The following SYNPR variants were observed in gnomAD, a reference collection of about 807,000 sequenced individuals.
SYNPR encodes the protein synaptoporin.
SYNPR carries 23 observed loss-of-function variants against 32.9 expected under a neutral mutation model. The ratio of observed to expected loss-of-function variants is 0.70; its 90% CI spans 0.50 to 0.99. The LOEUF (loss-of-function observed/expected upper bound fraction) is 0.99, where lower values mean the gene tolerates loss of function less well. SYNPR is among the 50% of genes least tolerant of loss of function. The pLI, the probability that SYNPR is intolerant of heterozygous loss-of-function variation, is 0.00. For missense variants in SYNPR, 318 were observed against 349.3 expected (o/e 0.91, Z 0.71); for synonymous variants, 146 against 135.9 (o/e 1.07, Z -0.52).
intron 3 of SYNPR, among the ~76,000 whole-genome samples, chr3:63,547,770 G>T (rs778260107): frequency 3.9e-5 from 6 of 152,158 alleles, no homozygotes; most frequent in Non-Finnish European, 7.3e-5. Flanking sequence ...TTAAGAGCAA[G>T]AGCTTTGGGG....
chr3:63,236,536 T>A (rs931615197), intron 1 of SYNPR, among the ~76,000 whole-genome samples: 3 of 152,146 alleles, frequency 2.0e-5, no homozygotes, highest in Non-Finnish European at 4.4e-5. Context: ...TAATTAGGTC[T>A]TCTTTGATTT....
At chr3:63,447,117 A>G (rs1472872383) in intron 2 of SYNPR, among the ~76,000 whole-genome samples, 2 of 152,196 alleles carry the variant, frequency 1.3e-5, no homozygotes, top group Non-Finnish European at 2.9e-5. Context: ...GCTTTTTCCA[A>G]CAGCATTTAT....
chr3:63,609,173 T>A lies in SYNPR; in HGVS notation c.457T>A (p.Ser153Thr). 1 of 1,611,692 alleles carries A rather than the reference T, an allele frequency of 6.2e-7. No individual in the cohort carries two copies. The change falls in exon 5 of 6, where the codon TCA becomes ACA. Residue 153 changes from serine (S) to threonine (T), a missense_variant. By Grantham distance (58) the Ser-to-Thr change is moderately conservative. Coordinates refer to ENST00000478300, the MANE Select transcript of SYNPR (RefSeq NM_001130003.2). ...VFSFLWLVGS[S>T]AWAKGLSDVK... Reference sequence around the variant, plus strand: ...TTCGTTCTTGTGGTTGGTGGGTTCATCAGCTTGGGCAAAAGGACTGTCTGA... The same window carrying A: ...TTCGTTCTTGTGGTTGGTGGGTTCAACAGCTTGGGCAAAAGGACTGTCTGA...
chr3:63,460,324 T>C (rs1190285419), intron 2 of SYNPR, among the ~76,000 whole-genome samples: 19 of 152,186 alleles, frequency 1.2e-4, no homozygotes, highest in Non-Finnish European at 2.6e-4. Flanking sequence ...ACAGAGTCTT[T>C]ACATGTACCG....
intron 3 of SYNPR, among the ~76,000 whole-genome samples, chr3:63,521,505 T>A (rs75108608): frequency 0.01 from 1,563 of 152,300 alleles, 38 homozygotes; most frequent in African/African-American, 0.035. Context: ...CCAGTGACAT[T>A]GGTGCTAATA....
chr3:63,302,466 T>A (rs1418622324), intron 2 of SYNPR, among the ~76,000 whole-genome samples: 3 of 152,058 alleles, frequency 2.0e-5, no homozygotes, highest in Non-Finnish European at 4.4e-5. Flanking sequence ...GCCACATGGA[T>A]TATAAGTTGC....
chr3:63,344,834 G>A (rs2087415765), intron 2 of SYNPR, among the ~76,000 whole-genome samples: 1 of 152,070 alleles, frequency 6.6e-6, no homozygotes, highest in African/African-American at 2.4e-5. Flanking sequence ...GCTGGTGAAT[G>A]GGGGGAATGG....
chr3:63,252,455 G>A (rs909664406), intron 1 of SYNPR: 1 of 152,084 alleles, frequency 6.6e-6, no homozygotes, highest in South Asian at 2.1e-4. Flanking sequence ...TTTGGCTGTA[G>A]CATAAATCTG....
intron 4 of SYNPR, among the ~76,000 whole-genome samples, chr3:63,575,315 T>A (rs1296128570): frequency 6.6e-6 from 1 of 152,102 alleles, no homozygotes; most frequent in Non-Finnish European, 1.5e-5. Context: ...CTCCTCTGCT[T>A]CTTGAACCTC....
At chr3:63,542,128 C>T (rs530178516) in intron 3 of SYNPR, among the ~76,000 whole-genome samples, 8 of 152,198 alleles carry the variant, frequency 5.3e-5, no homozygotes, top group East Asian at 3.9e-4. Flanking sequence ...CTGTGCTGGG[C>T]GCTAGAGACA....
chr3:63,445,360 G>T (rs141797444), intron 2 of SYNPR, among the ~76,000 whole-genome samples: 36 of 152,284 alleles, frequency 2.4e-4, no homozygotes, highest in Admixed American at 5.9e-4. Flanking sequence ...AAAAGGTCGG[G>T]ATCCTTAGTT....
chr3:63,326,666 G>A (rs2087172169), intron 2 of SYNPR, among the ~76,000 whole-genome samples: 1 of 152,030 alleles, frequency 6.6e-6, no homozygotes, highest in African/African-American at 2.4e-5. Context: ...TCTTCTCATA[G>A]TGATGGCCTG....
intron 2 of SYNPR, among the ~76,000 whole-genome samples, chr3:63,374,479 A>G (rs897355369): frequency 2.6e-5 from 4 of 152,172 alleles, no homozygotes; most frequent in African/African-American, 9.7e-5. Context: ...ACTACCTGTC[A>G]TGTACTATGC....
chr3:63,582,412 G>GATC (rs1703108537), intron 4 of SYNPR, among the ~76,000 whole-genome samples: 2 of 151,954 alleles, frequency 1.3e-5, no homozygotes, highest in African/African-American at 4.8e-5. Flanking sequence ...ATATACCATA[G>GATC]ATCATATGGT....
intron 2 of SYNPR, among the ~76,000 whole-genome samples, chr3:63,408,790 C>T (rs2088422945): frequency 6.6e-6 from 1 of 152,114 alleles, no homozygotes; most frequent in African/African-American, 2.4e-5. Flanking sequence ...ATTCAAATGC[C>T]AATCTTTCTT....
chr3:63,532,318 T>C (rs1702126935), intron 3 of SYNPR, among the ~76,000 whole-genome samples: 1 of 152,180 alleles, frequency 6.6e-6, no homozygotes, highest in Admixed American at 6.5e-5. Context: ...CCTAATGTCT[T>C]AGAGGTTATC....
At chr3:63,359,155 G>A (rs748589759) in intron 2 of SYNPR, among the ~76,000 whole-genome samples, 5 of 152,132 alleles carry the variant, frequency 3.3e-5, no homozygotes, top group Non-Finnish European at 7.4e-5. Context: ...GAGCATGGGA[G>A]TGAGCAAGAG....
the SYNPR span, among the ~76,000 whole-genome samples, chr3:63,208,886 T>G: frequency 6.6e-6 from 1 of 152,206 alleles, no homozygotes; most frequent in African/African-American, 2.4e-5. Flanking sequence ...GAAATCTATT[T>G]ACCTTTTACA....
At chr3:63,238,056 C>G (rs2086212622) in intron 1 of SYNPR, among the ~76,000 whole-genome samples, 1 of 152,102 alleles carries the variant, frequency 6.6e-6, no homozygotes, top group Non-Finnish European at 1.5e-5. Context: ...GATGCTTTAT[C>G]TTGTTAGGTC....
Sources: allele counts gnomAD v4.1 joint callset (sites outside exome capture counted in the v4.1 genomes callset), GRCh38; gene constraint gnomAD v4.1.1; transcripts MANE v1.5; gene names NCBI Gene and HGNC (gene_info 2026-07-23, HGNC 2026-07-21).